Variants in DCC observed in about 807,000 individuals in gnomAD.
DCC encodes the protein DCC netrin 1 receptor.
DCC carries 58 observed loss-of-function variants against 172.5 expected under a neutral mutation model. That is an observed-to-expected ratio of 0.34 (90% CI 0.27 to 0.42). The LOEUF (loss-of-function observed/expected upper bound fraction) is 0.42, where lower values mean the gene tolerates loss of function less well. Ranked by LOEUF, DCC falls within the 10% of genes least tolerant of loss-of-function variation. The probability of loss-of-function intolerance (pLI) is 1.00; values close to 1 mark genes in which losing one functional copy is unlikely to be tolerated. For synonymous variants in DCC, 709 were observed against 644.5 expected, an observed-to-expected ratio of 1.10 and a Z score of -1.52; for missense variants, 1,740 against 1,791.0, an observed-to-expected ratio of 0.97 and a Z score of 0.51.
intron 21 of DCC, among the ~76,000 whole-genome samples, chr18:53,423,406 G>C (rs1283321014): frequency 1.1e-4 from 16 of 152,072 alleles, no homozygotes; most frequent in Admixed American, 1.0e-3. Context: ...TTGACATCAA[G>C]AACCTTGGCT....
At chr18:52,893,750 T>C (rs115016011) in intron 2 of DCC, among the ~76,000 whole-genome samples, 2,617 of 152,218 alleles carry the variant, frequency 0.017, 55 homozygotes, top group African/African-American at 0.046. Flanking sequence ...CGGAAACATA[T>C]GTTACTATCT....
At chr18:53,134,738 T>A (rs2043714407) in intron 7 of DCC, among the ~76,000 whole-genome samples, 1 of 152,168 alleles carries the variant, frequency 6.6e-6, no homozygotes, top group Non-Finnish European at 1.5e-5. Context: ...TATAGTGACT[T>A]ATTTTGTCCA....
intron 2 of DCC, among the ~76,000 whole-genome samples, chr18:52,760,707 ATTTG>A (rs1256911437): frequency 3.3e-5 from 5 of 152,184 alleles, no homozygotes; most frequent in African/African-American, 1.2e-4. Flanking sequence ...AAAATATATT[ATTTG>A]GACTCAATAA....
intron 2 of DCC, among the ~76,000 whole-genome samples, chr18:52,804,526 A>G (rs573044385): frequency 6.6e-6 from 1 of 152,176 alleles, no homozygotes; most frequent in African/African-American, 2.4e-5. Flanking sequence ...AAAGTTTGGT[A>G]ATTTCCCCCA....
chr18:52,547,323 A>G (rs1380332535), intron 1 of DCC, among the ~76,000 whole-genome samples: 6 of 152,304 alleles, frequency 3.9e-5, no homozygotes, highest in Non-Finnish European at 4.4e-5. Context: ...TGCCTTGATC[A>G]TGGAACTATT....
intron 2 of DCC, among the ~76,000 whole-genome samples, chr18:52,799,665 T>C (rs28494889): frequency 0.043 from 6,538 of 152,238 alleles, 220 homozygotes; most frequent in South Asian, 0.16. Context: ...ATTTTAGAAG[T>C]TCTCTCAAAT....
chr18:53,397,205 G>C (rs1341223976), intron 17 of DCC, 103 bp from the exon 18 acceptor site: 1 of 1,073,450 alleles, frequency 9.3e-7, no homozygotes, highest in Non-Finnish European at 1.4e-6. Flanking sequence ...TTTGGGAGTA[G>C]ATTACTTTTG....
intron 17 of DCC, among the ~76,000 whole-genome samples, chr18:53,394,512 A>G (rs761503159): frequency 1.3e-4 from 20 of 152,168 alleles, no homozygotes; most frequent in Non-Finnish European, 2.6e-4. Context: ...TTTTTCTATT[A>G]AAGTATTTAA....
chr18:53,241,073 T>C (rs2056285852), intron 12 of DCC, among the ~76,000 whole-genome samples: 1 of 152,080 alleles, frequency 6.6e-6, no homozygotes, highest in Non-Finnish European at 1.5e-5. Context: ...GGACCTTAGT[T>C]CCCATAAACA....
chr18:52,732,367 T>C (rs1362691885), intron 1 of DCC, among the ~76,000 whole-genome samples: 1 of 152,160 alleles, frequency 6.6e-6, no homozygotes, highest in East Asian at 1.9e-4. Context: ...TAATCATGGA[T>C]TGTGTCTTAT....
At chr18:53,258,624 A>C (rs556705923) in intron 12 of DCC, among the ~76,000 whole-genome samples, 22 of 152,246 alleles carry the variant, frequency 1.4e-4, no homozygotes, top group African/African-American at 5.1e-4. Flanking sequence ...GGAGTTCTTT[A>C]CTTCCAACTA....
At position 52,898,008 on chromosome 18, in the gene DCC, C is replaced by T. The variant is rs138247700; in HGVS notation, c.413-8036C>T. 1.9e-3 allele frequency among the ~76,000 whole-genome samples: 282 copies of T among 152,328 alleles called. 10 individuals carry two copies. The East Asian group carries it at 0.05, about 27-fold the overall frequency. On this transcript the variant is annotated intron_variant, in intron 2 of 28. Coordinates refer to ENST00000442544, the MANE Select transcript of DCC (RefSeq NM_005215.4). Reference sequence around the variant, plus strand: ...TTCTAGAGAATGTCTCTTTGGCTTGCCTCTATTCTCTGCCTTTTGGCTAAT... The same window carrying T: ...TTCTAGAGAATGTCTCTTTGGCTTGTCTCTATTCTCTGCCTTTTGGCTAAT...
At chr18:52,593,545 G>A (rs981015501) in intron 1 of DCC, among the ~76,000 whole-genome samples, 18 of 151,928 alleles carry the variant, frequency 1.2e-4, no homozygotes, top group African/African-American at 2.9e-4. Flanking sequence ...TTTTAAAACC[G>A]TGATTAAATA....
intron 1 of DCC, among the ~76,000 whole-genome samples, chr18:52,488,369 C>A (rs181173904): frequency 2.0e-4 from 31 of 152,180 alleles, no homozygotes; most frequent in African/African-American, 6.0e-4. Flanking sequence ...GTGGAAACAA[C>A]GTAACTGGGT....
At chr18:53,468,217 T>G (rs949438264) in intron 25 of DCC, among the ~76,000 whole-genome samples, 1 of 152,026 alleles carries the variant, frequency 6.6e-6, no homozygotes, top group Non-Finnish European at 1.5e-5. Context: ...AATCAGATGG[T>G]CTGTTGGCAA....
intron 5 of DCC, among the ~76,000 whole-genome samples, chr18:53,014,637 T>C (rs1393044574): frequency 6.6e-6 from 1 of 152,020 alleles, no homozygotes; most frequent in African/African-American, 2.4e-5. Flanking sequence ...GTTTTTCTAC[T>C]TTAAAATGAA....
intron 5 of DCC, among the ~76,000 whole-genome samples, chr18:52,926,840 C>T (rs1391283446): frequency 2.1e-5 from 3 of 146,188 alleles, no homozygotes; most frequent in East Asian, 2.0e-4. Flanking sequence ...TACATACACA[C>T]ACACACATAT....
intron 23 of DCC, among the ~76,000 whole-genome samples, chr18:53,451,793 T>C (rs2045418161): frequency 6.6e-6 from 1 of 151,922 alleles, no homozygotes; most frequent in South Asian, 2.1e-4. Context: ...TGTAGATCTC[T>C]AGTTTACCTT....
chr18:52,445,834 G>T (rs897024139), intron 1 of DCC, among the ~76,000 whole-genome samples: 4 of 152,198 alleles, frequency 2.6e-5, no homozygotes, highest in African/African-American at 9.7e-5. Flanking sequence ...GGGGAAGGTA[G>T]CGTTCACAGA....
Sources: gnomAD v4.1 joint callset for allele counts (sites outside exome capture counted in the v4.1 genomes callset) on GRCh38, gnomAD v4.1.1 for gene constraint, MANE v1.5 for transcripts, NCBI Gene and HGNC (gene_info 2026-07-23, HGNC 2026-07-21) for gene names.